ROBO2: variants seen among roughly 807,000 people sequenced by gnomAD.
ROBO2 encodes the protein roundabout guidance receptor 2.
Under a neutral mutation model 160.8 loss-of-function variants are expected in ROBO2, and 53 were observed. The ratio of observed to expected loss-of-function variants is 0.33; its 90% CI spans 0.26 to 0.41. ROBO2 has a LOEUF of 0.41. ROBO2 is among the 10% of genes least tolerant of loss of function. The pLI, the probability that ROBO2 is intolerant of heterozygous loss-of-function variation, is 1.00. For synonymous variants in ROBO2, 664 were observed against 611.7 expected, an observed-to-expected ratio of 1.09 and a Z score of -1.26; for missense variants, 1,577 against 1,722.4, an observed-to-expected ratio of 0.92 and a Z score of 1.49.
At chr3:76,169,603 C>G (rs546895295) in intron 2 of ROBO2, among the ~76,000 whole-genome samples, 28 of 152,250 alleles carry the variant, frequency 1.8e-4, no homozygotes, top group African/African-American at 6.5e-4. Context: ...ATGTATCTCT[C>G]TGCCACTGAA....
rs143427363 is a variant in ROBO2 at position 76,360,586 on chromosome 3, C to A, written c.109+422984C>A. On this transcript the variant is annotated intron_variant, in intron 2 of 26. Transcript: ENST00000487694. ...GCAAATTATAGTCATCTAACAATAT[C>A]ATCTGCTCCTGTTTCCTTAACGAAG... is the stretch of plus-strand genomic sequence containing the variant. Among the ~76,000 whole-genome samples the A allele has an allele frequency of 2.5e-3, 378 of 152,182 alleles. 1 individual carries two copies. The highest frequency in any genetic ancestry group is 0.013 in the South Asian group (62 of 4,816).
chr3:76,528,181 C>T (rs2082043278), intron 2 of ROBO2, among the ~76,000 whole-genome samples: 1 of 152,100 alleles, frequency 6.6e-6, no homozygotes, highest in Admixed American at 6.6e-5. Context: ...GTTAGCAAAC[C>T]CAAGGCCTCA....
At chr3:77,645,901 T>A (rs557343566) in intron 25 of ROBO2, among the ~76,000 whole-genome samples, 153 bp from the exon 28 acceptor site, 1 of 152,276 alleles carries the variant, frequency 6.6e-6, no homozygotes, top group East Asian at 1.9e-4. Context: ...TCTTTGATCA[T>A]CTCCTTCAAG....
chr3:77,269,852 C>T (rs1023229677), intron 2 of ROBO2, among the ~76,000 whole-genome samples: 3 of 152,076 alleles, frequency 2.0e-5, no homozygotes, highest in Admixed American at 1.3e-4. Flanking sequence ...TGTATTTTCT[C>T]TCTAATTATA....
intron 2 of ROBO2, among the ~76,000 whole-genome samples, chr3:76,502,614 C>T (rs1480691028): frequency 1.3e-5 from 2 of 151,840 alleles, no homozygotes; most frequent in South Asian, 2.1e-4. Context: ...AGCAAGTGTA[C>T]GTATTTATGG....
chr3:77,267,034 AT>A (rs1475391776), intron 2 of ROBO2, among the ~76,000 whole-genome samples: 1 of 152,010 alleles, frequency 6.6e-6, no homozygotes. Flanking sequence ...AGCTAGACAT[AT>A]TTTTTCCTCT....
chr3:76,126,150 G>C (rs2070980079), intron 2 of ROBO2, among the ~76,000 whole-genome samples: 1 of 152,160 alleles, frequency 6.6e-6, no homozygotes, highest in Non-Finnish European at 1.5e-5. Flanking sequence ...AAATAGCATT[G>C]TCAGTATTTG....
chr3:76,085,150 T>C (rs1304239965), intron 2 of ROBO2, among the ~76,000 whole-genome samples: 1 of 151,782 alleles, frequency 6.6e-6, no homozygotes, highest in African/African-American at 2.4e-5. Flanking sequence ...CATACGTATA[T>C]ACATATATGA....
chr3:76,348,783 GTCT>G (rs1559803330), intron 2 of ROBO2, among the ~76,000 whole-genome samples: 3 of 152,046 alleles, frequency 2.0e-5, no homozygotes, highest in Non-Finnish European at 4.4e-5. Context: ...AGCCAAGGCC[GTCT>G]AACCACAAAT....
chr3:77,142,382 G>A (rs77028554), intron 2 of ROBO2, among the ~76,000 whole-genome samples: 8,776 of 152,192 alleles, frequency 0.058, 363 homozygotes, highest in African/African-American at 0.11. Flanking sequence ...ATAAGAACAC[G>A]TACACTGACG....
At chr3:76,982,666 A>C in intron 2 of ROBO2, among the ~76,000 whole-genome samples, 1 of 152,330 alleles carries the variant, frequency 6.6e-6, no homozygotes, top group East Asian at 1.9e-4. Context: ...TGAAAGAATT[A>C]TGGGGCACGG....
intron 23 of ROBO2, among the ~76,000 whole-genome samples, chr3:77,623,641 C>T (rs565555165): frequency 3.9e-5 from 6 of 152,260 alleles, no homozygotes; most frequent in Admixed American, 1.3e-4. Context: ...ATTTGAAATC[C>T]AGATCCAACC....
chr3:77,130,163 G>T (rs961670896), intron 2 of ROBO2, among the ~76,000 whole-genome samples: 1 of 152,100 alleles, frequency 6.6e-6, no homozygotes, highest in African/African-American at 2.4e-5. Context: ...CAGCTTCCAT[G>T]ATGACTCTCA....
At chr3:77,053,163 C>T (rs2065389155) in intron 1 of ROBO2, among the ~76,000 whole-genome samples, 1 of 152,050 alleles carries the variant, frequency 6.6e-6, no homozygotes, top group South Asian at 2.1e-4. Flanking sequence ...GTTAGAAAAG[C>T]TTCTGGTTTT....
At chr3:76,610,157 T>C (rs1474579446) in intron 2 of ROBO2, among the ~76,000 whole-genome samples, 3 of 152,236 alleles carry the variant, frequency 2.0e-5, no homozygotes, top group African/African-American at 7.2e-5. Flanking sequence ...GATATTGGTC[T>C]ATAGTTTCAC....
At chr3:76,247,695 A>T (rs1705702855) in intron 2 of ROBO2, among the ~76,000 whole-genome samples, 1 of 152,090 alleles carries the variant, frequency 6.6e-6, no homozygotes. Flanking sequence ...CTCGCATCTT[A>T]AATTTTAATT....
At chr3:76,935,843 T>C (rs963334246) in intron 2 of ROBO2, among the ~76,000 whole-genome samples, 5 of 152,170 alleles carry the variant, frequency 3.3e-5, no homozygotes, top group Admixed American at 2.6e-4. Context: ...CTCTGGGGTC[T>C]TTTTTAATAT....
chr3:76,842,190 A>G (rs1250974518), intron 2 of ROBO2, among the ~76,000 whole-genome samples: 1 of 152,358 alleles, frequency 6.6e-6, no homozygotes, highest in East Asian at 1.9e-4. Flanking sequence ...TGACAGAGTC[A>G]TAAGATTGAA....
At chr3:77,385,134 A>G (rs1178926375) in intron 2 of ROBO2, among the ~76,000 whole-genome samples, 1 of 152,154 alleles carries the variant, frequency 6.6e-6, no homozygotes, top group Non-Finnish European at 1.5e-5. Flanking sequence ...AGTTCAAATA[A>G]TTGTCCTGCC....
Sources: gnomAD v4.1 joint callset for allele counts (sites outside exome capture counted in the v4.1 genomes callset) on GRCh38, gnomAD v4.1.1 for gene constraint, MANE v1.5 for transcripts, NCBI Gene and HGNC (gene_info 2026-07-23, HGNC 2026-07-21) for gene names.